The following TRAPPC9 variants were observed in gnomAD, a reference collection of about 807,000 sequenced individuals.
The protein encoded by TRAPPC9 is trafficking protein particle complex subunit 9.
In TRAPPC9, 83 loss-of-function variants were observed where a neutral mutation model predicts 124.0. That is an observed-to-expected ratio of 0.67 (90% CI 0.56 to 0.80). The LOEUF is 0.80. TRAPPC9 is among the 30% of genes least tolerant of loss of function. The pLI is 0.00. For synonymous variants in TRAPPC9, 638 were observed against 617.5 expected (o/e 1.03, Z -0.49); for missense variants, 1,302 against 1,508.3 (o/e 0.86, Z 2.27).
intron 10 of TRAPPC9, among the ~76,000 whole-genome samples, chr8:140,308,546 A>G (rs759083796): frequency 1.4e-4 from 21 of 152,072 alleles, no homozygotes; most frequent in Non-Finnish European, 2.9e-4. Flanking sequence ...CATCACGAAT[A>G]TGTTTATGCA....
At chr8:139,951,821 A>T (rs2665919) in intron 19 of TRAPPC9, among the ~76,000 whole-genome samples, 2 of 152,130 alleles carry the variant, frequency 1.3e-5, no homozygotes, top group African/African-American at 4.8e-5. Context: ...TGTTTCAAAT[A>T]GAATGCAAGT....
intron 17 of TRAPPC9, among the ~76,000 whole-genome samples, chr8:140,081,580 A>G (rs181813687): frequency 3.3e-5 from 5 of 152,254 alleles, no homozygotes; most frequent in Admixed American, 3.3e-4. Context: ...TCCTGACCTC[A>G]GGTGATCCGC....
At chr8:139,926,088 A>C (rs937864383) in intron 19 of TRAPPC9, among the ~76,000 whole-genome samples, 5 of 152,258 alleles carry the variant, frequency 3.3e-5, no homozygotes, top group Admixed American at 2.6e-4. Flanking sequence ...CCAGAAGGCA[A>C]GTATTTGCAC....
chr8:139,924,950 T>C (rs1344097425), intron 19 of TRAPPC9, among the ~76,000 whole-genome samples: 1 of 152,186 alleles, frequency 6.6e-6, no homozygotes, highest in Non-Finnish European at 1.5e-5. Flanking sequence ...CGGTGTTCAG[T>C]GTGGCCCCAG....
intron 21 of TRAPPC9, among the ~76,000 whole-genome samples, chr8:139,789,195 G>A (rs1401718184): frequency 6.8e-6 from 1 of 146,740 alleles, no homozygotes; most frequent in Non-Finnish European, 1.5e-5. Context: ...CCGGCGGGCG[G>A]GAGACCCACG....
chr8:140,405,766 A>G, intron 5 of TRAPPC9, 68 bp from the exon 6 acceptor site: 1 of 1,586,432 alleles, frequency 6.3e-7, no homozygotes, highest in Non-Finnish European at 8.6e-7. Context: ...GTTAAAGAGG[A>G]GCATGAATAA....
Position 139,731,022 on chromosome 8 carries a change from C to T in TRAPPC9, c.*39G>A, listed in dbSNP as rs1817783881. 5.6e-6 allele frequency: 9 copies of T among 1,606,740 alleles called. No individual in the cohort carries two copies. The highest frequency in any genetic ancestry group is 7.6e-6 in the Non-Finnish European group (9 of 1,177,496). The stretch of plus-strand genomic sequence containing the variant: ...GGGTGTGGGAGGCCAGGCAGGGTCA[C>T]CTCTGGCCCTGCAGAAAGAGGGACG... On this transcript the variant is annotated 3_prime_UTR_variant, in exon 23 of 23. Coordinates refer to ENST00000438773, the MANE Select transcript of TRAPPC9 (RefSeq NM_001160372.4).
At chr8:140,263,990 G>T (rs1360312878) in intron 15 of TRAPPC9, among the ~76,000 whole-genome samples, 2 of 152,090 alleles carry the variant, frequency 1.3e-5, no homozygotes, top group African/African-American at 4.8e-5. Context: ...CGCTCCCCAA[G>T]ACACTCCACT....
At chr8:139,790,251 G>A (rs1822562378) in intron 21 of TRAPPC9, among the ~76,000 whole-genome samples, 1 of 152,212 alleles carries the variant, frequency 6.6e-6, no homozygotes, top group African/African-American at 2.4e-5. Flanking sequence ...GTTTGAACAG[G>A]AACTCAAGTG....
intron 21 of TRAPPC9, among the ~76,000 whole-genome samples, chr8:139,854,962 T>C (rs1586994315): frequency 6.6e-6 from 1 of 152,304 alleles, no homozygotes; most frequent in East Asian, 1.9e-4. Context: ...TACCGAGCCT[T>C]GGCATGGGCT....
chr8:139,943,773 G>C (rs373980447), intron 19 of TRAPPC9, among the ~76,000 whole-genome samples: 10 of 152,248 alleles, frequency 6.6e-5, no homozygotes, highest in African/African-American at 2.2e-4. Flanking sequence ...ACAATGCATT[G>C]GATAGGCTTC....
At chr8:140,357,991 A>T (rs1340423484) in intron 9 of TRAPPC9, among the ~76,000 whole-genome samples, 1 of 152,206 alleles carries the variant, frequency 6.6e-6, no homozygotes, top group Non-Finnish European at 1.5e-5. Flanking sequence ...CAGCTACTCC[A>T]CACGAGGATG....
chr8:140,095,675 G>A (rs2270409), intron 17 of TRAPPC9: 41,214 of 152,070 alleles, frequency 0.27, 6,600 homozygotes, highest in East Asian at 0.83. Flanking sequence ...ATTAAAGGGC[G>A]TGACGTGCTA....
chr8:139,912,394 T>G (rs1472202125), intron 19 of TRAPPC9, among the ~76,000 whole-genome samples: 2 of 151,658 alleles, frequency 1.3e-5, no homozygotes, highest in Non-Finnish European at 2.9e-5. Flanking sequence ...GTTCTCCTAT[T>G]TTTTGGACTC....
At chr8:140,283,766 A>G in intron 14 of TRAPPC9, 123 bp downstream of exon 14, 1 of 1,028,650 alleles carries the variant, frequency 9.7e-7, no homozygotes, top group Admixed American at 1.9e-5. Context: ...TCTTACAGAA[A>G]TCCTTCACCT....
At chr8:140,082,996 C>T (rs532277751) in intron 17 of TRAPPC9, among the ~76,000 whole-genome samples, 1 of 152,278 alleles carries the variant, frequency 6.6e-6, no homozygotes, top group South Asian at 2.1e-4. Context: ...AGATCGAAAC[C>T]ATCCTGGCCA....
chr8:140,255,759 A>G (rs1320880269), intron 15 of TRAPPC9, among the ~76,000 whole-genome samples: 1 of 152,144 alleles, frequency 6.6e-6, no homozygotes, highest in Non-Finnish European at 1.5e-5. Context: ...GGTGGCGCAC[A>G]CCTGTAGTCC....
rs1035245730 is a variant in TRAPPC9, at chr8:140,366,365, T to C, written c.1351+4599A>G. The stretch of plus-strand genomic sequence containing the variant: ...TATAGTACTCAAGATAGTGTGGTAC[T>C]GGTGAAAGAACAAATAGGTTAATGG... On this transcript the variant is annotated intron_variant, in intron 8 of 22. Transcript: ENST00000438773. Among the ~76,000 whole-genome samples, 4 of 152,332 alleles carry C rather than the reference T, an allele frequency of 2.6e-5. No homozygotes were observed. The South Asian group carries it at 8.3e-4, about 32-fold the overall frequency.
In TRAPPC9 at chr8:140,409,968, C is replaced by G. The variant is rs373080154; in HGVS notation, c.887-4270G>C. ...CCTGATCAACGTGGCAAAATCCCAT[C>G]TCCACAAAAAAACACATGAAAATTA... On this transcript the variant is annotated intron_variant, in intron 5 of 22. Transcript: ENST00000438773. Among the ~76,000 whole-genome samples the G allele has an allele frequency of 2.5e-4, 38 of 151,976 alleles. 1 individual carries two copies. The South Asian group carries it at 7.7e-3, about 31-fold the overall frequency.
Sources: allele counts gnomAD v4.1 joint callset (sites outside exome capture counted in the v4.1 genomes callset), GRCh38; gene constraint gnomAD v4.1.1; transcripts MANE v1.5; gene names NCBI Gene and HGNC (gene_info 2026-07-23, HGNC 2026-07-21).